The following MAGI1 variants were observed in gnomAD, a reference collection of about 807,000 sequenced individuals.
The protein encoded by MAGI1 is membrane associated guanylate kinase, WW and PDZ domain containing 1, also known as membrane-associated guanylate kinase, WW and PDZ domain-containing protein 1.
In MAGI1, 58 loss-of-function variants were observed where a neutral mutation model predicts 139.9. That is an observed-to-expected ratio of 0.41 (90% CI 0.34 to 0.52). MAGI1 has a LOEUF of 0.52. MAGI1 is among the 20% of genes least tolerant of loss of function. The pLI is 0.12. For synonymous variants in MAGI1, 812 were observed against 737.9 expected (o/e 1.10, Z -1.63); for missense variants, 1,874 against 1,901.6 (o/e 0.99, Z 0.27).
intron 1 of MAGI1, among the ~76,000 whole-genome samples, chr3:65,800,189 T>A (rs1257533357): frequency 6.6e-6 from 1 of 152,204 alleles, no homozygotes; most frequent in Non-Finnish European, 1.5e-5. Flanking sequence ...GCATTCAGAA[T>A]AATGCCTGGC....
At chr3:65,376,475 A>T (rs1278840440) in intron 17 of MAGI1, among the ~76,000 whole-genome samples, 1 of 152,202 alleles carries the variant, frequency 6.6e-6, no homozygotes, top group Non-Finnish European at 1.5e-5. Context: ...CAAAAATTCA[A>T]TCTGAAAACA....
At chr3:65,997,115 T>C (rs1219126042) in intron 1 of MAGI1, among the ~76,000 whole-genome samples, 1 of 152,198 alleles carries the variant, frequency 6.6e-6, no homozygotes, top group Non-Finnish European at 1.5e-5. Flanking sequence ...CCCCAGGGAA[T>C]GGTTTTTGTT....
intron 1 of MAGI1, chr3:65,843,990 C>T (rs1445980827): frequency 3.7e-6 from 1 of 271,486 alleles, no homozygotes; most frequent in African/African-American, 2.3e-5. Flanking sequence ...TGGAACCACC[C>T]AGGCCATCGA....
At chr3:65,638,190 T>C (rs2084753997) in intron 1 of MAGI1, among the ~76,000 whole-genome samples, 2 of 152,136 alleles carry the variant, frequency 1.3e-5, no homozygotes, top group African/African-American at 2.4e-5. Context: ...AAGAATAGCA[T>C]CTACCTGACA....
At chr3:65,702,205 T>C (rs1047320429) in intron 1 of MAGI1, among the ~76,000 whole-genome samples, 1 of 152,170 alleles carries the variant, frequency 6.6e-6, no homozygotes, top group African/African-American at 2.4e-5. Flanking sequence ...TATATACATA[T>C]ATTTTTTAAG....
chr3:65,465,455 G>C (rs918185124), intron 5 of MAGI1, among the ~76,000 whole-genome samples: 2 of 151,420 alleles, frequency 1.3e-5, no homozygotes, highest in African/African-American at 4.8e-5. Context: ...GTTTTCTTTC[G>C]TCTAAGAATA....
In MAGI1 at chr3:65,630,482, C is replaced by T. The variant is rs569581464; in HGVS notation, c.314-8394G>A. Among the ~76,000 whole-genome samples the T allele has an allele frequency of 9.4e-4, 143 of 152,154 alleles. 2 individuals are homozygous for T. The South Asian group carries it at 0.029, about 30-fold the overall frequency. ...CTCAGGTTGAGGTTAAAAAGAGAAG[C>T]ACTAGTGGATAATGAAAAATGTGAT... On this transcript the variant is annotated intron_variant, in intron 1 of 22. Transcript: ENST00000402939.
At chr3:65,704,054 C>G (rs983522494) in intron 1 of MAGI1, among the ~76,000 whole-genome samples, 3 of 152,112 alleles carry the variant, frequency 2.0e-5, no homozygotes, top group Non-Finnish European at 4.4e-5. Context: ...AATGAAGTAT[C>G]TCCTAGCACA....
intron 1 of MAGI1, among the ~76,000 whole-genome samples, chr3:65,661,885 T>C (rs1043096189): frequency 1.0e-3 from 158 of 151,418 alleles, no homozygotes; most frequent in African/African-American, 3.5e-3. Context: ...GTAGCTGGGA[T>C]GACAGGTGCC....
chr3:65,381,019 A>G (rs935715481), intron 16 of MAGI1, among the ~76,000 whole-genome samples: 1 of 152,212 alleles, frequency 6.6e-6, no homozygotes, highest in African/African-American at 2.4e-5. Flanking sequence ...ATTTCAGGTC[A>G]TATTTCTCCA....
At chr3:65,529,896 T>C (rs190406968) in intron 2 of MAGI1, among the ~76,000 whole-genome samples, 1 of 152,280 alleles carries the variant, frequency 6.6e-6, no homozygotes, top group East Asian at 1.9e-4. Context: ...TATACTTGCC[T>C]GGTTAAGGCC....
chr3:65,497,388 C>T (rs1277288293), intron 2 of MAGI1, among the ~76,000 whole-genome samples: 2 of 152,012 alleles, frequency 1.3e-5, no homozygotes, highest in African/African-American at 4.8e-5. Context: ...GTCTTGGAGC[C>T]AAGTGAAAAA....
chr3:65,813,430 G>GA (rs550623413), intron 1 of MAGI1, among the ~76,000 whole-genome samples: 7 of 151,734 alleles, frequency 4.6e-5, no homozygotes, highest in South Asian at 4.2e-4. Context: ...TGCGAATTAT[G>GA]AAAAAAAATG....
intron 7 of MAGI1, among the ~76,000 whole-genome samples, chr3:65,443,792 T>G (rs974557891): frequency 5.3e-5 from 8 of 152,216 alleles, no homozygotes; most frequent in Non-Finnish European, 7.3e-5. Flanking sequence ...CACCACACTC[T>G]AAAGTGAATA....
At chr3:65,918,569 T>C (rs2062019603) in intron 1 of MAGI1, among the ~76,000 whole-genome samples, 1 of 152,036 alleles carries the variant, frequency 6.6e-6, no homozygotes, top group East Asian at 1.9e-4. Context: ...TTAGTAGCGA[T>C]GGGGTTTCAC....
chr3:65,590,321 A>C (rs2081912574), intron 2 of MAGI1, among the ~76,000 whole-genome samples: 1 of 152,186 alleles, frequency 6.6e-6, no homozygotes, highest in Admixed American at 6.5e-5. Flanking sequence ...AACACCCAGC[A>C]TAATATCGGG....
At chr3:65,378,477 C>T (rs1172404963) in intron 17 of MAGI1, among the ~76,000 whole-genome samples, 2 of 152,126 alleles carry the variant, frequency 1.3e-5, no homozygotes, top group Admixed American at 1.3e-4. Context: ...ATTTTTACTC[C>T]TTACACCTCT....
chr3:65,933,738 G>T (rs761332066), intron 1 of MAGI1, among the ~76,000 whole-genome samples: 1 of 152,092 alleles, frequency 6.6e-6, no homozygotes, highest in Non-Finnish European at 1.5e-5. Context: ...TATAGTATTC[G>T]GAGTAAAAGA....
At chr3:66,025,314 G>A (rs2068192300) in intron 1 of MAGI1, among the ~76,000 whole-genome samples, 1 of 152,166 alleles carries the variant, frequency 6.6e-6, no homozygotes, top group Non-Finnish European at 1.5e-5. Flanking sequence ...CAAGGTGGGT[G>A]GATTGCTTGA....
Sources: gnomAD v4.1 joint callset for allele counts (sites outside exome capture counted in the v4.1 genomes callset) on GRCh38, gnomAD v4.1.1 for gene constraint, MANE v1.5 for transcripts, NCBI Gene and HGNC (gene_info 2026-07-23, HGNC 2026-07-21) for gene names.